Variants in FAM81B observed in about 807,000 individuals in gnomAD.
FAM81B encodes protein FAM81B.
FAM81B carries 60 observed loss-of-function variants against 58.7 expected under a neutral mutation model. The ratio of observed to expected loss-of-function variants is 1.02; its 90% CI spans 0.83 to 1.27. The LOEUF is 1.27. Ranked by LOEUF, FAM81B falls within the 50% of genes most tolerant of loss-of-function variation. The probability of loss-of-function intolerance (pLI) is 0.00; values close to 1 mark genes in which losing one functional copy is unlikely to be tolerated. For synonymous variants in FAM81B, 189 were observed against 179.6 expected (o/e 1.05, Z -0.42); for missense variants, 491 against 522.0 (o/e 0.94, Z 0.58).
At chr5:95,428,497 A>C in intron 5 of FAM81B, 106 bp from the exon 6 acceptor site, 1 of 1,374,680 alleles carries the variant, frequency 7.3e-7, no homozygotes, top group Non-Finnish European at 1.0e-6. Flanking sequence ...CTCATTCTTC[A>C]AATGACTTTA....
chr5:95,439,935 G>A (rs1207854694), intron 7 of FAM81B: 18 of 266,450 alleles, frequency 6.8e-5, no homozygotes, highest in Admixed American at 1.5e-4. Context: ...AAGCAGGATC[G>A]CTTGAACCCA....
chr5:95,424,940 A>T (rs960997402), intron 5 of FAM81B, among the ~76,000 whole-genome samples: 2 of 152,178 alleles, frequency 1.3e-5, no homozygotes, highest in Non-Finnish European at 2.9e-5. Flanking sequence ...TGAAAGAAAA[A>T]GTCAAGATAC....
At chr5:95,404,284 G>C (rs1762189792) in intron 3 of FAM81B, among the ~76,000 whole-genome samples, 1 of 152,002 alleles carries the variant, frequency 6.6e-6, no homozygotes, top group South Asian at 2.1e-4. Flanking sequence ...GGGTTTTAGG[G>C]GAATGGATTT....
intron 5 of FAM81B, among the ~76,000 whole-genome samples, chr5:95,423,835 C>A (rs1346789630): frequency 5.3e-5 from 8 of 152,144 alleles, no homozygotes; most frequent in African/African-American, 1.9e-4. Context: ...CTGATACAGT[C>A]CTTCTCAGAT....
At chr5:95,407,419 C>G (rs575493932) in intron 3 of FAM81B, among the ~76,000 whole-genome samples, 1 of 150,940 alleles carries the variant, frequency 6.6e-6, no homozygotes, top group Admixed American at 6.6e-5. Flanking sequence ...CGCACACACA[C>G]ACGCGTGCGC....
chr5:95,430,317 C>A (rs1450571119), intron 6 of FAM81B, among the ~76,000 whole-genome samples: 3 of 151,566 alleles, frequency 2.0e-5, no homozygotes, highest in South Asian at 4.2e-4. Context: ...ATTCAGTATG[C>A]CCTTATGCAG....
chr5:95,421,356 T>C lies in FAM81B; in HGVS notation c.656+954T>C, dbSNP rs372557110. ...TTTTGAAGGATTTATAACAGTTAACTAGACAAGGAAAAGTGAGAAAGACAA... is the reference window on the plus strand; with the variant it reads ...TTTTGAAGGATTTATAACAGTTAACCAGACAAGGAAAAGTGAGAAAGACAA... On this transcript the variant is annotated intron_variant, in intron 5 of 9. Coordinates refer to ENST00000283357, the MANE Select transcript of FAM81B (RefSeq NM_152548.3). Among the ~76,000 whole-genome samples, 33 of 152,216 alleles carry C rather than the reference T, an allele frequency of 2.2e-4. No homozygotes were observed. The East Asian group carries it at 4.1e-3, about 19-fold the overall frequency.
chr5:95,401,947 T>C (rs1762125366), intron 3 of FAM81B, among the ~76,000 whole-genome samples: 2 of 152,230 alleles, frequency 1.3e-5, no homozygotes, highest in South Asian at 4.1e-4. Context: ...CAATGATCTA[T>C]GTGAAGCCCA....
At chr5:95,449,487 G>T (rs191635559) in intron 9 of FAM81B, among the ~76,000 whole-genome samples, 1 of 152,026 alleles carries the variant, frequency 6.6e-6, no homozygotes, top group Admixed American at 6.5e-5. Flanking sequence ...CCACCTGCAA[G>T]TTCTTTCATT....
intron 5 of FAM81B, among the ~76,000 whole-genome samples, chr5:95,426,542 T>C (rs1358061830): frequency 3.9e-5 from 6 of 152,154 alleles, no homozygotes; most frequent in Non-Finnish European, 8.8e-5. Flanking sequence ...CCTCCTTCCA[T>C]CCCTAAATAA....
Position 95,428,599 on chromosome 5 carries a change from T to C in FAM81B, c.657-4T>C. On this transcript the variant is annotated splice_region_variant and splice_polypyrimidine_tract_variant and intron_variant, in intron 5 of 9. Coordinates refer to ENST00000283357, the MANE Select transcript of FAM81B (RefSeq NM_152548.3). Reference sequence around the variant, plus strand: ...ATCCACACCAATTTCCATCTTGCCATTAGATGTGATTCAAGCATTGTGAAG... The same window carrying C: ...ATCCACACCAATTTCCATCTTGCCACTAGATGTGATTCAAGCATTGTGAAG... The C allele has an allele frequency of 6.2e-7, 1 of 1,613,678 alleles. No individual in the cohort carries two copies. Among genetic ancestry groups the C allele is most frequent in the Non-Finnish European group, 8.5e-7 (1 of 1,179,648 alleles).
chr5:95,444,530 G>A (rs1013869362), intron 7 of FAM81B, among the ~76,000 whole-genome samples: 6 of 152,172 alleles, frequency 3.9e-5, no homozygotes, highest in Middle Eastern at 3.2e-3. Context: ...GGGAGTCTAC[G>A]TATCCAGTGG....
intron 6 of FAM81B, among the ~76,000 whole-genome samples, chr5:95,430,835 G>A (rs1019742921): frequency 2.6e-5 from 4 of 152,034 alleles, no homozygotes; most frequent in African/African-American, 9.7e-5. Flanking sequence ...AAAATGTCCT[G>A]TGTCTCCATT....
chr5:95,416,225 A>G (rs966666355), intron 4 of FAM81B, among the ~76,000 whole-genome samples: 7 of 152,378 alleles, frequency 4.6e-5, no homozygotes, highest in Middle Eastern at 3.4e-3. Flanking sequence ...CAAGTATTTT[A>G]AAAGAACCTA....
intron 5 of FAM81B, among the ~76,000 whole-genome samples, chr5:95,420,732 G>T (rs73141924): frequency 0.26 from 39,998 of 151,982 alleles, 6,415 homozygotes; most frequent in African/African-American, 0.45. Context: ...TGTCAAATGC[G>T]AATGAGTAAA....
At position 95,419,090 on chromosome 5, in the gene FAM81B, T is replaced by G. The variant is rs116358093; in HGVS notation, c.538-1194T>G. 5.6e-3 allele frequency among the ~76,000 whole-genome samples: 857 copies of G among 152,268 alleles called. 6 individuals carry two copies. The highest frequency in any genetic ancestry group is 8.9e-3 in the Non-Finnish European group (607 of 67,998). ...GAGTAAGTTTCCTTTCATCACTGTC[T>G]TTACCAAAACAGAAAACAAAATACC... On this transcript the variant is annotated intron_variant, in intron 4 of 9. Coordinates refer to ENST00000283357, the MANE Select transcript of FAM81B (RefSeq NM_152548.3).
intron 9 of FAM81B, among the ~76,000 whole-genome samples, chr5:95,449,807 C>G (rs117483539): frequency 2.8e-4 from 43 of 151,930 alleles, no homozygotes; most frequent in Middle Eastern, 6.8e-3. Context: ...GGTAACAAGA[C>G]TGAAAAAAAA....
intron 6 of FAM81B, among the ~76,000 whole-genome samples, chr5:95,432,606 T>C (rs1341340526): frequency 6.6e-6 from 1 of 152,010 alleles, no homozygotes; most frequent in African/African-American, 2.4e-5. Context: ...AAACTTTCTA[T>C]CTCTTCAGAG....
At position 95,436,810 on chromosome 5, in the gene FAM81B, T is replaced by A. The variant is rs770679297; in HGVS notation, c.797T>A (p.Leu266His). ...TCGTACTTTGACTAGGTGATGCAGC[T>A]CTTAGGAAAGATAGAAACTGCCAGT... is the stretch of plus-strand genomic sequence containing the variant. ...SKNLDMKVMQ[L>H]LGKIETASSE... The change falls in exon 7 of 10, where the codon CTC becomes CAC. Residue 266 changes from leucine (L) to histidine (H), a missense_variant. Leu to His is a moderately conservative substitution (Grantham distance 99). Coordinates refer to ENST00000283357, the MANE Select transcript of FAM81B (RefSeq NM_152548.3). The A allele has an allele frequency of 6.2e-6, 10 of 1,612,548 alleles. No individual in the cohort carries two copies. The Admixed American group carries it at 1.7e-4, about 27-fold the overall frequency.
Sources: gnomAD v4.1 joint callset for allele counts (sites outside exome capture counted in the v4.1 genomes callset) on GRCh38, gnomAD v4.1.1 for gene constraint, MANE v1.5 for transcripts, NCBI Gene and HGNC (gene_info 2026-07-23, HGNC 2026-07-21) for gene names.